Variants in EPB41L3 observed in about 807,000 individuals in gnomAD.
EPB41L3 encodes the protein band 4.1-like protein 3.
Under a neutral mutation model 127.1 loss-of-function variants are expected in EPB41L3, and 57 were observed. The ratio of observed to expected loss-of-function variants is 0.45; its 90% CI spans 0.36 to 0.56. The LOEUF is 0.56. EPB41L3 is among the 20% of genes least tolerant of loss of function. The pLI is 0.00. For missense variants in EPB41L3, 1,273 were observed against 1,372.2 expected, an observed-to-expected ratio of 0.93 and a Z score of 1.14; for synonymous variants, 572 against 549.5, an observed-to-expected ratio of 1.04 and a Z score of -0.57.
intron 1 of EPB41L3, among the ~76,000 whole-genome samples, chr18:5,494,206 AC>A (rs1025832890): frequency 6.6e-6 from 1 of 151,788 alleles, no homozygotes; most frequent in Non-Finnish European, 1.5e-5. Context: ...CCTGCTGCCA[AC>A]CCCCCAATCT....
At chr18:5,441,983 T>C (rs1487735080) in intron 5 of EPB41L3, among the ~76,000 whole-genome samples, 1 of 152,168 alleles carries the variant, frequency 6.6e-6, no homozygotes, top group Admixed American at 6.5e-5. Context: ...ATGAATCCTA[T>C]TAATAACAAA....
intron 3 of EPB41L3, among the ~76,000 whole-genome samples, chr18:5,463,175 A>C (rs1318416870): frequency 6.6e-6 from 1 of 152,196 alleles, no homozygotes; most frequent in African/African-American, 2.4e-5. Flanking sequence ...TTTACAATAG[A>C]GCTGACTAGT....
At chr18:5,498,170 A>G (rs1280305460) in intron 1 of EPB41L3, among the ~76,000 whole-genome samples, 1 of 152,244 alleles carries the variant, frequency 6.6e-6, no homozygotes, top group Non-Finnish European at 1.5e-5. Flanking sequence ...TTCTAAACAC[A>G]GCAGAAATAC....
intron 1 of EPB41L3, among the ~76,000 whole-genome samples, chr18:5,494,023 G>A (rs1346542235): frequency 6.6e-6 from 1 of 152,010 alleles, no homozygotes; most frequent in Non-Finnish European, 1.5e-5. Context: ...CTTTCTTGGA[G>A]AGCTCATCCA....
At chr18:5,400,863 T>A in intron 16 of EPB41L3, 2 of 722,988 alleles carry the variant, frequency 2.8e-6, no homozygotes, top group Non-Finnish European at 4.6e-6. Flanking sequence ...ACCTTGGTTT[T>A]AAACAAGATA....
chr18:5,547,165 A>T (rs534771163), upstream of EPB41L3, among the ~76,000 whole-genome samples: 31 of 152,354 alleles, frequency 2.0e-4, no homozygotes, highest in Admixed American at 9.1e-4. Context: ...CAAGGTGAAG[A>T]TACAATTATG....
At chr18:5,395,219 T>C (rs1189152854) in intron 20 of EPB41L3, 72 bp from the exon 21 acceptor site, 1 of 1,228,054 alleles carries the variant, frequency 8.1e-7, no homozygotes, top group Non-Finnish European at 1.2e-6. Flanking sequence ...TAGGGGGAAA[T>C]GGCCGAAGAT....
intron 16 of EPB41L3, among the ~76,000 whole-genome samples, chr18:5,403,145 TCTGTGGACAGAGGATGTACCTGGCAC>T (rs1350414601): frequency 6.6e-6 from 1 of 152,204 alleles, no homozygotes; most frequent in African/African-American, 2.4e-5. Context: ...ATGGGAAAGG[TCTGTGGACAGAGGATGTACCTGGCAC>T]GCTGTACATA....
intron 1 of EPB41L3, among the ~76,000 whole-genome samples, chr18:5,538,649 C>G (rs1019634355): frequency 3.3e-5 from 5 of 152,180 alleles, no homozygotes; most frequent in Non-Finnish European, 7.3e-5. Flanking sequence ...CATCTCCCAG[C>G]ACTAATCCTT....
intron 1 of EPB41L3, among the ~76,000 whole-genome samples, chr18:5,626,831 C>T (rs2094927920): frequency 1.3e-5 from 2 of 152,152 alleles, no homozygotes; most frequent in Non-Finnish European, 2.9e-5. Context: ...TCCCTAATTC[C>T]TCAAGAGGAA....
At chr18:5,486,572 A>C (rs1434998805) in intron 2 of EPB41L3, among the ~76,000 whole-genome samples, 1 of 152,208 alleles carries the variant, frequency 6.6e-6, no homozygotes, top group African/African-American at 2.4e-5. Context: ...AAAATTTGCA[A>C]AGTGTCTACC....
At chr18:5,534,427 G>C (rs150764692) in intron 1 of EPB41L3, among the ~76,000 whole-genome samples, 2,217 of 152,316 alleles carry the variant, frequency 0.015, 22 homozygotes, top group Middle Eastern at 0.061. Context: ...GACATAAGGA[G>C]GTCTGGATCC....
chr18:5,563,579 T>G (rs2094161129), intron 3 of EPB41L3, among the ~76,000 whole-genome samples: 1 of 152,154 alleles, frequency 6.6e-6, no homozygotes, highest in Non-Finnish European at 1.5e-5. Context: ...TGACGTCCCA[T>G]TACTTGACAC....
intron 1 of EPB41L3, among the ~76,000 whole-genome samples, chr18:5,505,163 G>A (rs2092048853): frequency 6.6e-6 from 1 of 152,034 alleles, no homozygotes; most frequent in South Asian, 2.1e-4. Context: ...CTTTTCTGTT[G>A]ACTAAAAGTC....
chr18:5,593,975 T>C (rs1363113238), intron 3 of EPB41L3, among the ~76,000 whole-genome samples: 3 of 152,196 alleles, frequency 2.0e-5, no homozygotes, highest in African/African-American at 4.8e-5. Flanking sequence ...AGATTTCATA[T>C]TGTTCAAACA....
intron 1 of EPB41L3, among the ~76,000 whole-genome samples, chr18:5,540,803 C>T (rs372905987): frequency 1.2e-4 from 19 of 152,084 alleles, no homozygotes; most frequent in East Asian, 1.2e-3. Flanking sequence ...ACCCTCTCTC[C>T]GCCGGGCGCG....
In EPB41L3 at chr18:5,603,424, TGCTCA is replaced by T. The variant is rs1349177038; in HGVS notation, c.-306+8911_-306+8915del. On this transcript the variant is annotated intron_variant, in intron 3 of 21. Coordinates refer to the EPB41L3 transcript ENST00000545076. Reference sequence around the variant, plus strand: ...AGCATGTTCCCGTGTTTTGGAACCTTGCTCAGCTACAGGAACCAACCTGCAAGTCT... The same window carrying T: ...AGCATGTTCCCGTGTTTTGGAACCTTGCTACAGGAACCAACCTGCAAGTCT... Among the ~76,000 whole-genome samples the T allele has an allele frequency of 2.0e-5, 3 of 152,188 alleles. No individual in the cohort carries two copies. In the East Asian group the frequency reaches 5.8e-4, roughly 29 times the overall value.
At chr18:5,454,520 A>G (rs2082750920) in intron 3 of EPB41L3, among the ~76,000 whole-genome samples, 1 of 152,162 alleles carries the variant, frequency 6.6e-6, no homozygotes, top group Non-Finnish European at 1.5e-5. Context: ...CAGCCTATGT[A>G]CTAATCCCAA....
Position 5,469,201 on chromosome 18 carries a change from G to A in EPB41L3, c.381+9040C>T, listed in dbSNP as rs1321434255. On this transcript the variant is annotated intron_variant, in intron 3 of 22. Coordinates refer to ENST00000341928, the MANE Select transcript of EPB41L3 (RefSeq NM_012307.5). Reference sequence around the variant, plus strand: ...CACACTGGGGGTGACAAGAAGGAGAGAAGGGCTGCACCCCTTCTGGGAGCC... The same window carrying A: ...CACACTGGGGGTGACAAGAAGGAGAAAAGGGCTGCACCCCTTCTGGGAGCC... Among the ~76,000 whole-genome samples the A allele has an allele frequency of 5.3e-5, 8 of 152,208 alleles. 1 individual carries two copies. The South Asian group carries it at 1.2e-3, about 24-fold the overall frequency.
Sources: allele counts gnomAD v4.1 joint callset (sites outside exome capture counted in the v4.1 genomes callset), GRCh38; gene constraint gnomAD v4.1.1; transcripts MANE v1.5; gene names NCBI Gene and HGNC (gene_info 2026-07-23, HGNC 2026-07-21).